The following MRPS6 variants were observed in gnomAD, a reference collection of about 807,000 sequenced individuals.
MRPS6 encodes small ribosomal subunit protein bS6m.
In MRPS6, 6 loss-of-function variants were observed where a neutral mutation model predicts 13.1. That is an observed-to-expected ratio of 0.46 (90% CI 0.25 to 0.91). The LOEUF (loss-of-function observed/expected upper bound fraction) is 0.91. Ranked by LOEUF, MRPS6 falls within the 40% of genes least tolerant of loss-of-function variation. The pLI, the probability that MRPS6 is intolerant of heterozygous loss-of-function variation, is 0.18. For missense variants in MRPS6, 164 were observed against 155.6 expected, an observed-to-expected ratio of 1.05 and a Z score of -0.29; for synonymous variants, 61 against 56.5, an observed-to-expected ratio of 1.08 and a Z score of -0.36.
At chr21:34,090,566 A>G (rs1174006526) in intron 1 of MRPS6, among the ~76,000 whole-genome samples, 3 of 152,208 alleles carry the variant, frequency 2.0e-5, no homozygotes, top group Non-Finnish European at 4.4e-5. Context: ...ATAACTTGGG[A>G]AAATCCTAAT....
chr21:34,115,068 T>C (rs1236079984), intron 1 of MRPS6, among the ~76,000 whole-genome samples: 2 of 152,210 alleles, frequency 1.3e-5, no homozygotes, highest in African/African-American at 4.8e-5. Flanking sequence ...CATCTGCTTT[T>C]TACGTTTGCA....
intron 2 of MRPS6, among the ~76,000 whole-genome samples, chr21:34,130,751 C>T (rs1403816493): frequency 1.3e-5 from 2 of 151,872 alleles, no homozygotes; most frequent in Admixed American, 6.5e-5. Context: ...CTGAACCTTT[C>T]TTGGTTACTT....
intron 1 of MRPS6, among the ~76,000 whole-genome samples, chr21:34,120,536 A>G (rs762710610): frequency 3.3e-5 from 5 of 152,194 alleles, no homozygotes; most frequent in African/African-American, 1.2e-4. Context: ...TTTGTAGGCT[A>G]AACATTAGTT....
chr21:34,097,256 G>T (rs769963063), intron 1 of MRPS6: 2 of 1,614,060 alleles, frequency 1.2e-6, no homozygotes, highest in East Asian at 4.5e-5. Context: ...TTTGTTTACA[G>T]ATGCTAGAAG....
chr21:34,106,938 T>G (rs998508758), intron 1 of MRPS6, among the ~76,000 whole-genome samples: 1 of 152,162 alleles, frequency 6.6e-6, no homozygotes, highest in Non-Finnish European at 1.5e-5. Flanking sequence ...TTTTTTTTTT[T>G]GGCGGTGGAG....
chr21:34,103,882 A>G, intron 1 of MRPS6: 1 of 1,000,208 alleles, frequency 1.0e-6, no homozygotes, highest in Non-Finnish European at 1.2e-6. Context: ...TTTTACTGCA[A>G]CTTGAAACTG....
chr21:34,113,648 T>G (rs1979791934), intron 1 of MRPS6, among the ~76,000 whole-genome samples: 1 of 152,228 alleles, frequency 6.6e-6, no homozygotes, highest in Non-Finnish European at 1.5e-5. Context: ...GCAGTTGGCC[T>G]AGTTGATGGA....
intron 2 of MRPS6, among the ~76,000 whole-genome samples, chr21:34,141,565 G>A (rs1980907435): frequency 6.6e-6 from 1 of 152,218 alleles, no homozygotes; most frequent in Non-Finnish European, 1.5e-5. Context: ...CAAGGCAAGC[G>A]ATGACGAAAA....
intron 2 of MRPS6, 107 bp downstream of exon 2, chr21:34,125,587 G>T: frequency 6.7e-7 from 1 of 1,490,122 alleles, no homozygotes; most frequent in Non-Finnish European, 9.0e-7. Flanking sequence ...GACCCCTGTT[G>T]CGCCTAGGTG....
At chr21:34,142,369 T>C in intron 2 of MRPS6, 39 bp from the exon 3 acceptor site, 1 of 1,537,224 alleles carries the variant, frequency 6.5e-7, no homozygotes, top group South Asian at 1.3e-5. Flanking sequence ...ATTATTACAA[T>C]TCAAATGCAG....
At position 34,142,478 on chromosome 21, in the gene MRPS6, A is replaced by G. The variant is rs753708283; in HGVS notation, c.256A>G (p.Ile86Val). The change falls in exon 3 of 3, where the codon ATA becomes GTA. Residue 86 changes from isoleucine to valine, a missense_variant. Ile to Val is a conservative substitution (Grantham distance 29, BLOSUM62 3). Transcript: ENST00000399312. ...ESMVEHLSRD[I>V]DVIRGNIVKH... Reference sequence around the variant, plus strand: ...CATGGTGGAGCACTTGTCTCGAGATATAGATGTGATTAGAGGGAATATTGT... The same window carrying G: ...CATGGTGGAGCACTTGTCTCGAGATGTAGATGTGATTAGAGGGAATATTGT... The G allele has an allele frequency of 7.4e-6, 12 of 1,612,712 alleles. No individual in the cohort carries two copies. Among genetic ancestry groups the G allele is most frequent in the Non-Finnish European group, 9.3e-6 (11 of 1,179,474 alleles).
intron 2 of MRPS6, among the ~76,000 whole-genome samples, chr21:34,132,627 A>G (rs751964496): frequency 6.6e-6 from 1 of 152,216 alleles, no homozygotes; most frequent in East Asian, 1.9e-4. Flanking sequence ...GGTACTAGGT[A>G]GCAAGAGATA....
intron 1 of MRPS6, among the ~76,000 whole-genome samples, chr21:34,108,943 G>C (rs1276834327): frequency 6.6e-6 from 1 of 152,084 alleles, no homozygotes; most frequent in Non-Finnish European, 1.5e-5. Flanking sequence ...CTCCTGCTTA[G>C]AGCCCCTTTT....
chr21:34,105,694 AG>A, intron 1 of MRPS6: 1 of 998,516 alleles, frequency 1.0e-6, no homozygotes, highest in Non-Finnish European at 1.2e-6. Flanking sequence ...GTTATTAGTG[AG>A]TTTTTTGAAT....
At chr21:34,116,634 C>T (rs954412902) in intron 1 of MRPS6, among the ~76,000 whole-genome samples, 1 of 151,926 alleles carries the variant, frequency 6.6e-6, no homozygotes, top group African/African-American at 2.4e-5. Flanking sequence ...GAAATGAGTA[C>T]TCAGACACAG....
intron 1 of MRPS6, among the ~76,000 whole-genome samples, chr21:34,075,777 C>G (rs1023008268): frequency 1.3e-5 from 2 of 152,152 alleles, no homozygotes; most frequent in African/African-American, 2.4e-5. Context: ...ACAAAGACTT[C>G]CAGGTTTTAG....
intron 1 of MRPS6, chr21:34,098,888 C>T (rs1979098663): frequency 2.0e-6 from 2 of 998,890 alleles, no homozygotes; most frequent in Non-Finnish European, 1.2e-6. Context: ...CTTTCTTTGA[C>T]CTTCTTTAAT....
intron 2 of MRPS6, among the ~76,000 whole-genome samples, chr21:34,138,602 G>A (rs973852875): frequency 5.3e-5 from 8 of 151,918 alleles, no homozygotes; most frequent in African/African-American, 1.9e-4. Flanking sequence ...ACCATCACTG[G>A]CCATCAGAGA....
In MRPS6 at chr21:34,073,695, C is replaced by T. The variant is rs1989244664; in HGVS notation, c.-6C>T. On this transcript the variant is annotated 5_prime_UTR_variant, in exon 1 of 3. Coordinates refer to ENST00000399312, the MANE Select transcript of MRPS6 (RefSeq NM_032476.4). ...CTTCCGAGCCGCACTCGCCGATCCTCCAGGCATGCCCCGCTACGAGCTGGC... is the reference window on the plus strand; with the variant it reads ...CTTCCGAGCCGCACTCGCCGATCCTTCAGGCATGCCCCGCTACGAGCTGGC... 2 of 1,520,670 alleles carry T rather than the reference C, an allele frequency of 1.3e-6. No individual in the cohort carries two copies. The highest frequency in any genetic ancestry group is 1.4e-5 in the African/African-American group (1 of 69,164). 94.2% of individuals were successfully genotyped at this position (1,520,670 alleles called of 1,614,324 possible).
Sources: allele counts gnomAD v4.1 joint callset (sites outside exome capture counted in the v4.1 genomes callset), GRCh38; gene constraint gnomAD v4.1.1; transcripts MANE v1.5; gene names NCBI Gene and HGNC (gene_info 2026-07-23, HGNC 2026-07-21).